AMZ2: variants seen among roughly 807,000 people sequenced by gnomAD.
AMZ2 encodes the protein archaelysin family metallopeptidase 2.
In AMZ2, 26 loss-of-function variants were observed where a neutral mutation model predicts 36.7. The observed-to-expected ratio is 0.71, with a 90% CI of 0.52 to 0.98. The LOEUF is 0.98. Among genes scored for constraint, AMZ2 ranks in the 50% least tolerant of loss-of-function variants. AMZ2 has a pLI of 0.00. For synonymous variants in AMZ2, 144 were observed against 149.1 expected, an observed-to-expected ratio of 0.97 and a Z score of 0.25; for missense variants, 394 against 430.5, an observed-to-expected ratio of 0.92 and a Z score of 0.75.
chr17:68,239,324 TG>T (rs1186526799), intron 1 of AMZ2, among the ~76,000 whole-genome samples: 1 of 152,190 alleles, frequency 6.6e-6, no homozygotes, highest in Non-Finnish European at 1.5e-5. Flanking sequence ...GCTTGCCTGC[TG>T]AGGGGGGTCT....
intron 2 of AMZ2, 145 bp downstream of exon 2, chr17:68,250,615 A>G (rs2074383734): frequency 8.0e-7 from 1 of 1,253,850 alleles, no homozygotes. Context: ...TTGTAGCCAA[A>G]CTGACTTAAA....
chr17:68,220,445 A>G (rs1555728202), intron 1 of AMZ2, among the ~76,000 whole-genome samples: 1 of 151,606 alleles, frequency 6.6e-6, no homozygotes, highest in Non-Finnish European at 1.5e-5. Flanking sequence ...AGATCACTGT[A>G]TTTGTCTCAT....
chr17:68,209,657 C>T (rs2072980975), intron 1 of AMZ2, among the ~76,000 whole-genome samples: 1 of 103,406 alleles, frequency 9.7e-6, no homozygotes, highest in Admixed American at 1.0e-4. Context: ...TATACAGAGT[C>T]TCCTCTCAGG....
At chr17:68,252,353 T>A (rs2089887437) in intron 4 of AMZ2, among the ~76,000 whole-genome samples, 1 of 152,060 alleles carries the variant, frequency 6.6e-6, no homozygotes, top group Non-Finnish European at 1.5e-5. Flanking sequence ...AGGTTTCTTG[T>A]GGCCCCCATG....
Position 68,254,393 on chromosome 17 carries a change from T to G in AMZ2, c.587-11T>G. ...ACTCTCATTCTGTCACTGTTTGTCC[T>G]TTTTTTGTAGGTGTGGGGATATTCA... On this transcript the variant is annotated splice_polypyrimidine_tract_variant and intron_variant, in intron 4 of 6. Transcript: ENST00000359904. 1 of 1,597,520 alleles carries G rather than the reference T, an allele frequency of 6.3e-7. No individual in the cohort carries two copies. The highest frequency in any genetic ancestry group is 1.1e-5 in the South Asian group (1 of 88,544).
At position 68,248,327 on chromosome 17, in the gene AMZ2, T is replaced by G; in HGVS notation, c.-379T>G. The G allele has an allele frequency of 1.0e-6, 1 of 985,458 alleles. No homozygotes were observed. 61.0% of individuals were successfully genotyped at this position (985,458 alleles called of 1,614,324 possible). A position where few individuals can be genotyped will look rare whatever the true frequency, so the allele number is the denominator to read the frequency against. On this transcript the variant is annotated 5_prime_UTR_variant, in exon 1 of 7. Transcript: ENST00000359904. ...TGGGGAAGAAGAGGCGAAGCGAGAGTCCCTGGGGAACCCCCACTCCACTCC... is the reference window on the plus strand; with the variant it reads ...TGGGGAAGAAGAGGCGAAGCGAGAGGCCCTGGGGAACCCCCACTCCACTCC...
chr17:68,242,820 G>A (rs1555734349), intron 1 of AMZ2, among the ~76,000 whole-genome samples: 1 of 151,996 alleles, frequency 6.6e-6, no homozygotes, highest in African/African-American at 2.4e-5. Context: ...CAGATGTCTT[G>A]AGCCCAGGAG....
At chr17:68,208,731 G>T (rs782791913) in intron 1 of AMZ2, among the ~76,000 whole-genome samples, 2 of 152,106 alleles carry the variant, frequency 1.3e-5, no homozygotes, top group Non-Finnish European at 2.9e-5. Context: ...TCACCGCGAC[G>T]GTCTGCAGCT....
At chr17:68,209,038 C>T (rs1555725080) in intron 1 of AMZ2, among the ~76,000 whole-genome samples, 1 of 152,168 alleles carries the variant, frequency 6.6e-6, no homozygotes, top group Non-Finnish European at 1.5e-5. Flanking sequence ...CTAACATAAA[C>T]TGGAAAAAGG....
At position 68,254,442 on chromosome 17, in the gene AMZ2, T is replaced by C. The variant is rs1555741595; in HGVS notation, c.625T>C (p.Phe209Leu). 2.3e-5 allele frequency: 37 copies of C among 1,613,276 alleles called. No homozygotes were observed. The Admixed American group carries it at 3.5e-4, about 15-fold the overall frequency. Residue 209 changes from phenylalanine to leucine, a missense_variant, in exon 5 of 7, where the codon TTT becomes CTT. Transcript: ENST00000359904. The part of the protein sequence containing the change: ...IFSFARYGSD[F>L]YSMHYKGKVK... ...CAGCTTTGCCAGGTATGGCAGTGAT[T>C]TTTATAGCATGCACTATAAAGGCAA...
chr17:68,250,378 C>T lies in AMZ2; in HGVS notation c.191C>T (p.Pro64Leu), dbSNP rs1555738712. The T allele has an allele frequency of 3.7e-6, 6 of 1,614,198 alleles. No individual in the cohort carries two copies. The highest frequency in any genetic ancestry group is 5.1e-6 in the Non-Finnish European group (6 of 1,180,044). Residue 64 changes from proline to leucine, a missense_variant, in exon 2 of 7, where the codon CCT (proline) becomes CTT (leucine). Pro to Leu is a moderately conservative substitution (Grantham distance 98). Transcript: ENST00000359904. ...CCATCAGATTGGATCACCTCCCACC[C>T]TGAGGCTCCCCAAGACTTTGAACAG... ...HSPSDWITSHPEAPQDFEQFF... is the reference protein window; with the variant it reads ...HSPSDWITSHLEAPQDFEQFF...
upstream of AMZ2, among the ~76,000 whole-genome samples, chr17:68,244,647 AAAG>A (rs781971921): frequency 3.0e-4 from 45 of 152,332 alleles, no homozygotes; most frequent in Middle Eastern, 3.4e-3. Flanking sequence ...AGACAGAGAT[AAAG>A]ACACAAAAAG....
In AMZ2 at chr17:68,236,341, A is replaced by T. The variant is rs553018920; in HGVS notation, c.-66-12299A>T. On this transcript the variant is annotated intron_variant, in intron 1 of 7. Coordinates refer to the AMZ2 transcript ENST00000674770. Reference sequence around the variant, plus strand: ...TAAAACTATAACATATGAACATGATATTATACTATGTATATGTTTGGTAAC... The same window carrying T: ...TAAAACTATAACATATGAACATGATTTTATACTATGTATATGTTTGGTAAC... 2.4e-4 allele frequency among the ~76,000 whole-genome samples: 36 copies of T among 151,982 alleles called. 1 individual carries two copies. In the South Asian group the frequency reaches 7.0e-3, roughly 30 times the overall value.
rs2073175124 is a variant in AMZ2 at position 68,215,576 on chromosome 17, G to T, written c.-67+9338G>T. Among the ~76,000 whole-genome samples, 2 of 135,884 alleles carry T rather than the reference G, an allele frequency of 1.5e-5. 1 individual carries two copies. The highest frequency in any genetic ancestry group is 5.0e-4 in the South Asian group (2 of 4,038). 89.1% of individuals were successfully genotyped at this position (135,884 alleles called of 152,430 possible). A position where few individuals can be genotyped will look rare whatever the true frequency, so the allele number is the denominator to read the frequency against. On this transcript the variant is annotated intron_variant, in intron 1 of 7. Transcript: ENST00000674770. ...CTGTCTCCAAAAAAAAAAGTTTACT[G>T]CTGTGTTGTCATTGTAAGTGGAAAT...
At chr17:68,254,642 C>A in intron 5 of AMZ2, 75 bp downstream of exon 5, 1 of 1,270,360 alleles carries the variant, frequency 7.9e-7, no homozygotes, top group Non-Finnish European at 1.1e-6. Flanking sequence ...TATTGTCAGT[C>A]CGTAAGGTAA....
intron 1 of AMZ2, among the ~76,000 whole-genome samples, chr17:68,230,976 A>C (rs1263337143): frequency 6.6e-6 from 1 of 152,158 alleles, no homozygotes; most frequent in African/African-American, 2.4e-5. Flanking sequence ...TTTTCAGGTA[A>C]ATTTCTCTGA....
chr17:68,217,780 T>C (rs1357680415), intron 1 of AMZ2, among the ~76,000 whole-genome samples: 3 of 151,982 alleles, frequency 2.0e-5, no homozygotes, highest in Non-Finnish European at 4.4e-5. Context: ...ATGTTATTTG[T>C]ATAGGTTAGT....
chr17:68,206,943 C>A (rs2072852484), intron 1 of AMZ2: 1 of 152,784 alleles, frequency 6.5e-6, no homozygotes, highest in Non-Finnish European at 1.5e-5. Context: ...ACCCACCCAA[C>A]TTTGGTTATT....
chr17:68,211,148 G>C (rs1160770354), intron 1 of AMZ2, among the ~76,000 whole-genome samples: 1 of 152,142 alleles, frequency 6.6e-6, no homozygotes, highest in Non-Finnish European at 1.5e-5. Context: ...GCCAGGAAAT[G>C]GGAGGGGAAA....
Sources: gnomAD v4.1 joint callset for allele counts (sites outside exome capture counted in the v4.1 genomes callset) on GRCh38, gnomAD v4.1.1 for gene constraint, MANE v1.5 for transcripts, NCBI Gene and HGNC (gene_info 2026-07-23, HGNC 2026-07-21) for gene names.